Variants in MBNL1 observed in about 807,000 individuals in gnomAD.
MBNL1 encodes the protein muscleblind like splicing regulator 1.
In MBNL1, 8 loss-of-function variants were observed where a neutral mutation model predicts 42.2. The observed-to-expected ratio is 0.19, with a 90% CI of 0.11 to 0.34. The LOEUF (loss-of-function observed/expected upper bound fraction) is 0.34. Ranked by LOEUF, MBNL1 falls within the 10% of genes least tolerant of loss-of-function variation. MBNL1 has a pLI of 1.00. For synonymous variants in MBNL1, 169 were observed against 173.9 expected (o/e 0.97, Z 0.22); for missense variants, 309 against 495.3 (o/e 0.62, Z 3.57).
chr3:152,258,301 T>C (rs1004031391), intron 2 of MBNL1, among the ~76,000 whole-genome samples: 1 of 152,222 alleles, frequency 6.6e-6, no homozygotes, highest in East Asian at 1.9e-4. Context: ...TGAAGTCATT[T>C]ATTATCATAA....
At chr3:152,357,943 G>A (rs1019544259) in intron 2 of MBNL1, among the ~76,000 whole-genome samples, 5 of 152,086 alleles carry the variant, frequency 3.3e-5, no homozygotes, top group Non-Finnish European at 7.4e-5. Context: ...GGGATTTCAG[G>A]GGTCCATGGA....
intron 9 of MBNL1, among the ~76,000 whole-genome samples, chr3:152,461,100 A>G (rs751486684): frequency 6.6e-6 from 1 of 152,148 alleles, no homozygotes; most frequent in Non-Finnish European, 1.5e-5. Flanking sequence ...CAGTGTGCCA[A>G]GTCAGGAAAC....
intron 1 of MBNL1, among the ~76,000 whole-genome samples, chr3:152,288,290 A>G (rs1335058013): frequency 6.6e-6 from 1 of 152,218 alleles, no homozygotes; most frequent in South Asian, 2.1e-4. Context: ...ATATAAGAGT[A>G]TATACCTATC....
At chr3:152,409,628 A>G (rs2098519198) in intron 2 of MBNL1, among the ~76,000 whole-genome samples, 1 of 152,194 alleles carries the variant, frequency 6.6e-6, no homozygotes, top group East Asian at 1.9e-4. Flanking sequence ...ATTTAAATAA[A>G]TAATTATAGC....
intron 2 of MBNL1, among the ~76,000 whole-genome samples, chr3:152,303,335 ATACTC>A (rs1275425549): frequency 6.6e-6 from 1 of 152,192 alleles, no homozygotes; most frequent in Non-Finnish European, 1.5e-5. Context: ...TATATAAACA[ATACTC>A]TAAATACTTA....
intron 2 of MBNL1, among the ~76,000 whole-genome samples, chr3:152,403,205 T>TA (rs36081596): frequency 7.3e-4 from 110 of 150,864 alleles, no homozygotes; most frequent in South Asian, 1.3e-3. Flanking sequence ...TCTGGTTTGT[T>TA]AAAAAAAAAA....
Position 152,403,560 on chromosome 3 carries a change from A to G in MBNL1, c.175-11381A>G, listed in dbSNP as rs1013267163. ...ATTCTAAAAATTCTGAGACTTTTCTATTTTATTCTCAGTGGTAATTTTTAG... is the reference window on the plus strand; with the variant it reads ...ATTCTAAAAATTCTGAGACTTTTCTGTTTTATTCTCAGTGGTAATTTTTAG... On this transcript the variant is annotated intron_variant, in intron 2 of 9. Coordinates refer to ENST00000324210, the MANE Select transcript of MBNL1 (RefSeq NM_021038.5). Among the ~76,000 whole-genome samples the G allele has an allele frequency of 3.3e-5, 5 of 152,086 alleles. No homozygotes were observed. In the East Asian group the frequency reaches 5.8e-4, roughly 18 times the overall value.
chr3:152,247,021 T>C (rs1377297978), intron 2 of MBNL1, among the ~76,000 whole-genome samples: 1 of 152,186 alleles, frequency 6.6e-6, no homozygotes, highest in Non-Finnish European at 1.5e-5. Context: ...CTATTTGTTT[T>C]TGACATAAAT....
At chr3:152,335,310 C>T in intron 2 of MBNL1, 2 of 1,245,566 alleles carry the variant, frequency 1.6e-6, no homozygotes, top group African/African-American at 1.5e-5. Context: ...CCTGAGATGA[C>T]ATCCATGGGA....
intron 1 of MBNL1, chr3:152,269,472 C>T (rs1457704111): frequency 2.2e-6 from 1 of 453,122 alleles, no homozygotes; most frequent in African/African-American, 2.0e-5. Flanking sequence ...CCCTCTGAGT[C>T]GAGCGGCGCG....
At chr3:152,251,154 T>A (rs1284612956) in intron 2 of MBNL1, among the ~76,000 whole-genome samples, 1 of 152,122 alleles carries the variant, frequency 6.6e-6, no homozygotes, top group East Asian at 1.9e-4. Context: ...CTAATATTTG[T>A]CCATGTTCCA....
In MBNL1 at chr3:152,335,031, T is replaced by TCTG. The variant is rs956334932; in HGVS notation, c.174+34682_174+34684dup. Reference sequence around the variant, plus strand: ...TGGGTCTAAATGGTCTGCTCCAGCTTCTGCTGCTGCTGCTGCTGCTAATAT... The same window carrying TCTG: ...TGGGTCTAAATGGTCTGCTCCAGCTTCTGCTGCTGCTGCTGCTGCTGCTAATAT... On this transcript the variant is annotated intron_variant, in intron 2 of 9. Transcript: ENST00000324210. The TCTG allele has an allele frequency of 6.4e-5, 76 of 1,188,892 alleles. No homozygotes were observed. In the Admixed American group the frequency reaches 8.7e-4, roughly 14 times the overall value. The allele number at this position is 1,188,892 out of a possible 1,614,324, so 73.6% of individuals were successfully genotyped here.
chr3:152,299,231 T>C (rs1474507684), intron 1 of MBNL1, 174 bp from the exon 2 acceptor site: 1 of 153,482 alleles, frequency 6.5e-6, no homozygotes, highest in Non-Finnish European at 1.5e-5. Flanking sequence ...AAATCTACGA[T>C]GGCTGGCTGC....
intron 1 of MBNL1, among the ~76,000 whole-genome samples, chr3:152,277,151 A>G (rs1412807925): frequency 4.6e-5 from 7 of 152,218 alleles, no homozygotes; most frequent in Non-Finnish European, 1.0e-4. Context: ...ACTTAAGTAG[A>G]AGATACATGT....
intron 2 of MBNL1, among the ~76,000 whole-genome samples, chr3:152,257,300 T>C (rs545164662): frequency 6.6e-6 from 1 of 152,264 alleles, no homozygotes; most frequent in East Asian, 1.9e-4. Context: ...ACAATAATAG[T>C]ACACATTTGT....
chr3:152,449,759 G>A (rs1217448540), intron 6 of MBNL1, among the ~76,000 whole-genome samples: 1 of 152,034 alleles, frequency 6.6e-6, no homozygotes, highest in Non-Finnish European at 1.5e-5. Flanking sequence ...AGATATATTT[G>A]CATTTATTAT....
At chr3:152,270,143 T>C (rs1456876446) in intron 1 of MBNL1, among the ~76,000 whole-genome samples, 1 of 152,000 alleles carries the variant, frequency 6.6e-6, no homozygotes. Context: ...TTCTGGGGTG[T>C]ATTTCCGTGG....
intron 2 of MBNL1, among the ~76,000 whole-genome samples, chr3:152,318,501 A>C (rs2073848298): frequency 6.6e-6 from 1 of 152,164 alleles, no homozygotes; most frequent in African/African-American, 2.4e-5. Context: ...AAAATGTTTT[A>C]AGTTTATAAA....
intron 2 of MBNL1, among the ~76,000 whole-genome samples, chr3:152,377,853 C>T (rs886896463): frequency 3.3e-5 from 5 of 152,228 alleles, no homozygotes; most frequent in East Asian, 3.9e-4. Flanking sequence ...TACTGTCTTC[C>T]GTGGATTCTT....
Sources: gnomAD v4.1 joint callset for allele counts (sites outside exome capture counted in the v4.1 genomes callset) on GRCh38, gnomAD v4.1.1 for gene constraint, MANE v1.5 for transcripts, NCBI Gene and HGNC (gene_info 2026-07-23, HGNC 2026-07-21) for gene names.